SMC6: variants seen among roughly 807,000 people sequenced by gnomAD.
SMC6 encodes the protein structural maintenance of chromosomes 6.
Under a neutral mutation model 142.2 loss-of-function variants are expected in SMC6, and 79 were observed. The observed-to-expected ratio is 0.56, with a 90% CI of 0.46 to 0.67. The LOEUF is 0.67. Among genes scored for constraint, SMC6 ranks in the 30% least tolerant of loss-of-function variants. The pLI, the probability that SMC6 is intolerant of heterozygous loss-of-function variation, is 0.00. For missense variants in SMC6, 1,072 were observed against 1,284.0 expected (o/e 0.83, Z 2.52); for synonymous variants, 411 against 412.4 (o/e 1.00, Z 0.04).
intron 23 of SMC6, among the ~76,000 whole-genome samples, 168 bp from the exon 24 acceptor site, chr2:17,683,931 G>T (rs1056036037): frequency 5.9e-5 from 9 of 152,156 alleles, no homozygotes; most frequent in Non-Finnish European, 1.2e-4. Flanking sequence ...CTCCCAGAAT[G>T]AAAGGGTGGT....
At chr2:17,752,337 T>C (rs1671084283) in intron 2 of SMC6, among the ~76,000 whole-genome samples, 1 of 152,232 alleles carries the variant, frequency 6.6e-6, no homozygotes. Context: ...TACTGTACTG[T>C]TTAGGGAATA....
intron 25 of SMC6, among the ~76,000 whole-genome samples, chr2:17,677,798 A>G (rs896608184): frequency 6.6e-6 from 1 of 152,186 alleles, no homozygotes; most frequent in African/African-American, 2.4e-5. Flanking sequence ...ATGATCTACC[A>G]GTAGAAATTA....
intron 23 of SMC6, among the ~76,000 whole-genome samples, chr2:17,690,558 C>A (rs1053076527): frequency 2.0e-5 from 3 of 152,032 alleles, no homozygotes; most frequent in Non-Finnish European, 4.4e-5. Flanking sequence ...TGCACCACTG[C>A]ACTCCAGCCT....
intron 5 of SMC6, among the ~76,000 whole-genome samples, chr2:17,732,090 G>T (rs535689733): frequency 4.5e-4 from 68 of 152,278 alleles, no homozygotes; most frequent in African/African-American, 1.6e-3. Context: ...AATAAGTGAA[G>T]CTTCAAAAAA....
intron 7 of SMC6, 68 bp downstream of exon 7, chr2:17,731,009 AC>A: frequency 8.1e-7 from 1 of 1,231,194 alleles, no homozygotes; most frequent in Non-Finnish European, 1.2e-6. Context: ...TTTTTTCTAC[AC>A]AAGTGAAATC....
At chr2:17,736,993 A>T (rs1022993145) in intron 5 of SMC6, among the ~76,000 whole-genome samples, 3 of 152,156 alleles carry the variant, frequency 2.0e-5, no homozygotes, top group African/African-American at 7.2e-5. Flanking sequence ...AAAATAACTA[A>T]TTTTTTGCTA....
chr2:17,701,755 T>G, intron 20 of SMC6, 74 bp downstream of exon 20: 3 of 867,608 alleles, frequency 3.5e-6, no homozygotes, highest in Non-Finnish European at 3.6e-6. Flanking sequence ...CTAAAAAAGC[T>G]GAGTTGATGC....
At chr2:17,670,334 G>T in intron 26 of SMC6, 89 bp downstream of exon 26, 1 of 1,365,426 alleles carries the variant, frequency 7.3e-7, no homozygotes, top group South Asian at 1.4e-5. Context: ...CCTGTTAGGG[G>T]TAAAACTAAA....
intron 17 of SMC6, among the ~76,000 whole-genome samples, chr2:17,707,812 G>T (rs1479133984): frequency 6.6e-6 from 1 of 151,856 alleles, no homozygotes; most frequent in African/African-American, 2.4e-5. Context: ...AAATATGTAG[G>T]GAAAGTCTGG....
intron 21 of SMC6, 34 bp from the exon 22 acceptor site, chr2:17,696,460 T>TA: frequency 1.9e-6 from 3 of 1,589,448 alleles, no homozygotes; most frequent in Admixed American, 1.9e-5. Flanking sequence ...AAGATTGTTT[T>TA]AAAAAAATTT....
intron 23 of SMC6, among the ~76,000 whole-genome samples, chr2:17,692,264 A>G (rs1181095266): frequency 6.6e-6 from 1 of 152,206 alleles, no homozygotes; most frequent in East Asian, 1.9e-4. Flanking sequence ...CCTAAGCCAA[A>G]AGAACAAAGC....
At chr2:17,730,735 T>C (rs189449689) in intron 7 of SMC6, among the ~76,000 whole-genome samples, 3 of 151,780 alleles carry the variant, frequency 2.0e-5, no homozygotes, top group East Asian at 3.9e-4. Flanking sequence ...CCCAAGTAGC[T>C]AGGATTACAG....
chr2:17,732,295 G>T (rs187858790), intron 5 of SMC6, among the ~76,000 whole-genome samples: 19 of 152,204 alleles, frequency 1.2e-4, no homozygotes, highest in Admixed American at 1.2e-3. Flanking sequence ...GAATGATGAA[G>T]TAAGAATTAT....
chr2:17,711,512 C>T (rs1461398979), intron 16 of SMC6, among the ~76,000 whole-genome samples: 1 of 151,678 alleles, frequency 6.6e-6, no homozygotes, highest in Non-Finnish European at 1.5e-5. Context: ...TTTTTTTCAT[C>T]CTAATTATAC....
chr2:17,700,691 T>C (rs1245620045), intron 20 of SMC6, among the ~76,000 whole-genome samples: 1 of 152,132 alleles, frequency 6.6e-6, no homozygotes, highest in African/African-American at 2.4e-5. Context: ...GAGAATATGT[T>C]AGATGCTAAG....
At chr2:17,748,604 TTTA>T (rs1670867281) in intron 2 of SMC6, among the ~76,000 whole-genome samples, 2 of 152,214 alleles carry the variant, frequency 1.3e-5, no homozygotes, top group Non-Finnish European at 2.9e-5. Context: ...TCGGTTTCAG[TTTA>T]TTATTAATTT....
At chr2:17,719,924 A>G (rs1349531863) in intron 11 of SMC6, among the ~76,000 whole-genome samples, 2 of 152,262 alleles carry the variant, frequency 1.3e-5, no homozygotes, top group Non-Finnish European at 2.9e-5. Flanking sequence ...GAAAGATTAC[A>G]TTCTATACCA....
chr2:17,750,640 C>A (rs2125096558), intron 2 of SMC6, among the ~76,000 whole-genome samples: 1 of 152,268 alleles, frequency 6.6e-6, no homozygotes, highest in African/African-American at 2.4e-5. Flanking sequence ...GTTAATTATT[C>A]ATAGAGAGTG....
At chr2:17,701,573 A>C (rs930456955) in intron 20 of SMC6, among the ~76,000 whole-genome samples, 46 of 152,286 alleles carry the variant, frequency 3.0e-4, no homozygotes, top group African/African-American at 1.1e-3. Flanking sequence ...AATACAATTA[A>C]GTTTTGGTAA....
Sources: gnomAD v4.1 joint callset for allele counts (sites outside exome capture counted in the v4.1 genomes callset) on GRCh38, gnomAD v4.1.1 for gene constraint, MANE v1.5 for transcripts, NCBI Gene and HGNC (gene_info 2026-07-23, HGNC 2026-07-21) for gene names.